PIN4: variants seen among roughly 807,000 people sequenced by gnomAD.
PIN4 encodes peptidyl-prolyl cis-trans isomerase NIMA-interacting 4.
A neutral mutation model predicts 8.3 loss-of-function variants in PIN4; 3 were observed. The observed-to-expected ratio is 0.36, with a 90% CI of 0.16 to 0.93. The LOEUF is 0.93. Ranked by LOEUF, PIN4 falls within the 40% of genes least tolerant of loss-of-function variation. The pLI, the probability that PIN4 is intolerant of heterozygous loss-of-function variation, is 0.44. For synonymous variants in PIN4, 18 were observed against 32.5 expected, an observed-to-expected ratio of 0.55 and a Z score of 1.52; for missense variants, 75 against 100.6, an observed-to-expected ratio of 0.75 and a Z score of 1.09.
upstream of PIN4, chrX:72,181,702 G>A (rs1207293988): frequency 3.0e-6 from 3 of 985,746 alleles, no homozygotes; most frequent in Admixed American, 2.2e-5. Flanking sequence ...TCAGGCATTT[G>A]TTTAGGACAT....
downstream of PIN4, chrX:72,198,676 G>A (rs140862803): frequency 0.026 from 2,919 of 111,571 alleles, 99 homozygotes; most frequent in African/African-American, 0.088. Context: ...CCAATCGGGT[G>A]TCAGCACTAA....
chrX:72,254,418 G>A (rs955408773), intron 3 of PIN4, among the ~76,000 whole-genome samples: 2 of 111,846 alleles, frequency 1.8e-5, no homozygotes, highest in East Asian at 2.8e-4. Context: ...CCCATACCAC[G>A]ATTTAAAAGT....
chrX:72,240,068 G>A (rs1426216458), intron 3 of PIN4, among the ~76,000 whole-genome samples: 1 of 101,065 alleles, frequency 9.9e-6, no homozygotes, highest in Non-Finnish European at 2.0e-5. Flanking sequence ...CAGCCTGGGT[G>A]ACAGAGAAAG....
At chrX:72,241,143 A>T (rs2043047630) in intron 3 of PIN4, among the ~76,000 whole-genome samples, 1 of 111,377 alleles carries the variant, frequency 9.0e-6, no homozygotes, top group Non-Finnish European at 1.9e-5. Flanking sequence ...AAAGTGTTTG[A>T]ATCACATCTT....
chrX:72,214,458 G>T (rs1481343021), intron 3 of PIN4, among the ~76,000 whole-genome samples: 2 of 111,092 alleles, frequency 1.8e-5, no homozygotes, highest in Non-Finnish European at 3.8e-5. Context: ...TGGATCACCT[G>T]AAGTCAGGAG....
chrX:72,194,786 C>T (rs1223293987), intron 2 of PIN4, among the ~76,000 whole-genome samples: 1 of 109,556 alleles, frequency 9.1e-6, no homozygotes, highest in Admixed American at 9.8e-5. Flanking sequence ...CTCACTGACT[C>T]ACCCAGAGCA....
At position 72,207,196 on chromosome X, in the gene PIN4, T is replaced by A. The variant is rs749715424; in HGVS notation, c.312+10292T>A. ...AAAAACAGAGTAATCTTTATTTTGC[T>A]GGAATAAGTTAATTCTTTTTTCTCG... On this transcript the variant is annotated intron_variant, in intron 3 of 3. Transcript: ENST00000423432. 9.8e-5 allele frequency: 118 copies of A among 1,209,961 alleles called. No individual in the cohort carries two copies. The highest frequency in any genetic ancestry group is 2.3e-4 in the Middle Eastern group (1 of 4,374).
intron 1 of PIN4, among the ~76,000 whole-genome samples, chrX:72,185,427 C>A (rs1302552918): frequency 1.8e-5 from 2 of 111,772 alleles, no homozygotes; most frequent in Non-Finnish European, 3.8e-5. Context: ...GCTCCAGTGT[C>A]CCTCTGTGCT....
At position 72,242,803 on chromosome X, in the gene PIN4, C is replaced by T. The variant is rs192014592; in HGVS notation, c.313-19904C>T. ...GGCCGAGGCGGGCGGATCACAAGGT[C>T]AGGAGTTCGAGACCAGCCTGACCAA... On this transcript the variant is annotated intron_variant, in intron 3 of 3. Coordinates refer to the PIN4 transcript ENST00000423432. Among the ~76,000 whole-genome samples, 150 of 111,987 alleles carry T rather than the reference C, an allele frequency of 1.3e-3. 1 individual carries two copies. The highest frequency in any genetic ancestry group is 5.8e-3 in the Admixed American group (61 of 10,546).
At position 72,198,218 on chromosome X, in the gene PIN4, G is replaced by A; in HGVS notation, c.*692G>A. The A allele has an allele frequency of 2.7e-6, 2 of 748,752 alleles. No homozygotes were observed. The highest frequency in any genetic ancestry group is 3.2e-6 in the Non-Finnish European group (2 of 634,642). The allele number at this position is 748,752 out of a possible 1,213,427, so 61.7% of individuals were successfully genotyped here. On this transcript the variant is annotated 3_prime_UTR_variant, in exon 4 of 4. Transcript: ENST00000373669. ...GTTACATTAAGACTGTCCTTTCCAG[G>A]GCCAATGTTCTGTGCATCTAAATTT...
downstream of PIN4, among the ~76,000 whole-genome samples, chrX:72,203,187 A>C (rs2042797495): frequency 8.9e-6 from 1 of 112,244 alleles, no homozygotes; most frequent in African/African-American, 3.2e-5. Flanking sequence ...AAATGTTGGG[A>C]GGGTGGTGTG....
intron 2 of PIN4, 79 bp from the exon 3 acceptor site, chrX:72,196,706 G>T (rs1243645623): frequency 8.3e-6 from 7 of 847,944 alleles, no homozygotes; most frequent in Non-Finnish European, 1.2e-5. Flanking sequence ...ACTGGTGGGG[G>T]TAATCCAAAT....
rs764001801 is a variant in PIN4 at position 72,207,644 on chromosome X, G to A, written c.312+10740G>A. The A allele has an allele frequency of 4.0e-5, 48 of 1,208,018 alleles. No homozygotes were observed. The South Asian group carries it at 6.9e-4, about 17-fold the overall frequency. ...TTCCTGTATATTTCTTCTTGTAAAG[G>A]CACAAGTCGTATCCAAATAATTAAA... is the stretch of plus-strand genomic sequence containing the variant. On this transcript the variant is annotated intron_variant, in intron 3 of 3. Transcript: ENST00000423432.
At chrX:72,238,344 G>A (rs894935071) in intron 3 of PIN4, among the ~76,000 whole-genome samples, 48 of 111,356 alleles carry the variant, frequency 4.3e-4, no homozygotes, top group Non-Finnish European at 9.4e-5. Flanking sequence ...CTCTTGCCAC[G>A]CCATCCCTTA....
chrX:72,194,782 G>A lies in PIN4; in HGVS notation c.118-2003G>A, dbSNP rs756754971. Among the ~76,000 whole-genome samples, 66 of 108,015 alleles carry A rather than the reference G, an allele frequency of 6.1e-4. 1 individual carries two copies. The highest frequency in any genetic ancestry group is 2.2e-3 in the African/African-American group (64 of 29,627). 93.8% of individuals were successfully genotyped at this position (108,015 alleles called of 115,157 possible). A position where few individuals can be genotyped will look rare whatever the true frequency, so the allele number is the denominator to read the frequency against. ...CCTTCATATTCACTCACCACTCACT[G>A]ACTCACCCAGAGCAACTTCCAGTCC... On this transcript the variant is annotated intron_variant, in intron 2 of 3. Coordinates refer to ENST00000373669, the MANE Select transcript of PIN4 (RefSeq NM_006223.4).
At chrX:72,260,412 T>G (rs979444061) in intron 3 of PIN4, among the ~76,000 whole-genome samples, 7 of 112,571 alleles carry the variant, frequency 6.2e-5, no homozygotes, top group Admixed American at 9.3e-5. Flanking sequence ...TTGCAGACCC[T>G]TTCACTCTGT....
Position 72,207,640 on chromosome X carries a change from A to G in PIN4, c.312+10736A>G, listed in dbSNP as rs1159206272. 8.3e-7 allele frequency: 1 copy of G among 1,208,824 alleles called. No homozygotes were observed. The highest frequency in any genetic ancestry group is 1.8e-5 in the African/African-American group (1 of 57,110). On this transcript the variant is annotated intron_variant, in intron 3 of 3. Coordinates refer to the PIN4 transcript ENST00000423432. Reference sequence around the variant, plus strand: ...AAATTTCCTGTATATTTCTTCTTGTAAAGGCACAAGTCGTATCCAAATAAT... The same window carrying G: ...AAATTTCCTGTATATTTCTTCTTGTGAAGGCACAAGTCGTATCCAAATAAT...
chrX:72,258,804 G>C (rs148388305), intron 3 of PIN4, among the ~76,000 whole-genome samples: 8,085 of 110,995 alleles, frequency 0.073, 479 homozygotes, highest in East Asian at 0.48. Flanking sequence ...TTATCTGAGA[G>C]TAAGACTCAG....
At chrX:72,252,999 C>T (rs1405268567) in intron 3 of PIN4, among the ~76,000 whole-genome samples, 1 of 111,143 alleles carries the variant, frequency 9.0e-6, no homozygotes, top group African/African-American at 3.3e-5. Context: ...ATATCAAGTC[C>T]CCCTCGACAT....
Sources: gnomAD v4.1 joint callset for allele counts (sites outside exome capture counted in the v4.1 genomes callset) on GRCh38, gnomAD v4.1.1 for gene constraint, MANE v1.5 for transcripts, NCBI Gene and HGNC (gene_info 2026-07-23, HGNC 2026-07-21) for gene names.